ANKRD27: variants seen among roughly 807,000 people sequenced by gnomAD.
The protein encoded by ANKRD27 is ankyrin repeat domain 27.
ANKRD27 carries 112 observed loss-of-function variants against 129.7 expected under a neutral mutation model. The ratio of observed to expected loss-of-function variants is 0.86; its 90% CI spans 0.74 to 1.01. The LOEUF is 1.01. ANKRD27 is among the 50% of genes least tolerant of loss of function. The probability of loss-of-function intolerance (pLI) is 0.00; values close to 1 mark genes in which losing one functional copy is unlikely to be tolerated. For missense variants in ANKRD27, 1,258 were observed against 1,300.5 expected (o/e 0.97, Z 0.50); for synonymous variants, 516 against 511.2 (o/e 1.01, Z -0.13).
chr19:32,627,983 A>C, intron 15 of ANKRD27, 100 bp downstream of exon 15: 1 of 1,106,914 alleles, frequency 9.0e-7, no homozygotes, highest in Non-Finnish European at 1.3e-6. Flanking sequence ...CCCAACTGCC[A>C]ACCCCCACCC....
At chr19:32,661,199 T>TA (rs78062810) in intron 1 of ANKRD27, among the ~76,000 whole-genome samples, 6,630 of 114,816 alleles carry the variant, frequency 0.058, 292 homozygotes, top group East Asian at 0.28. Context: ...AGATGCTGTC[T>TA]AAAAAAAAAA....
At chr19:32,663,776 G>A (rs551431950) in intron 1 of ANKRD27, among the ~76,000 whole-genome samples, 23 of 152,316 alleles carry the variant, frequency 1.5e-4, no homozygotes, top group African/African-American at 5.5e-4. Context: ...GAAATAGGGG[G>A]CCGGGTGTGG....
rs374935166 is a variant in ANKRD27, at chr19:32,616,421, C to T, written c.2053-641G>A. On this transcript the variant is annotated intron_variant, in intron 21 of 28. Coordinates refer to ENST00000306065, the MANE Select transcript of ANKRD27 (RefSeq NM_032139.3). ...TACAAAAATTAGCTGGGTGTGGTGG[C>T]GCATGCCTGTAGTCCCACCTTCTCA... Among the ~76,000 whole-genome samples, 7 of 151,896 alleles carry T rather than the reference C, an allele frequency of 4.6e-5. No individual in the cohort carries two copies. In the East Asian group the frequency reaches 9.6e-4, roughly 21 times the overall value.
intron 22 of ANKRD27, among the ~76,000 whole-genome samples, chr19:32,611,453 T>C (rs12150976): frequency 0.27 from 41,724 of 152,174 alleles, 7,373 homozygotes; most frequent in Non-Finnish European, 0.39. Context: ...AGCTGAAAAA[T>C]GTGTGAGGGA....
At chr19:32,653,226 A>G (rs761325310) in intron 2 of ANKRD27, among the ~76,000 whole-genome samples, 19 of 152,120 alleles carry the variant, frequency 1.2e-4, no homozygotes, top group Non-Finnish European at 2.5e-4. Flanking sequence ...TGAGAACTGG[A>G]GCAGGGGTCT....
intron 22 of ANKRD27, among the ~76,000 whole-genome samples, chr19:32,615,180 C>CTT (rs1971896491): frequency 6.6e-6 from 1 of 152,246 alleles, no homozygotes; most frequent in African/African-American, 2.4e-5. Flanking sequence ...AGGGAGCTGG[C>CTT]ACCCGCCCTA....
intron 1 of ANKRD27, among the ~76,000 whole-genome samples, chr19:32,667,810 C>A (rs150047279): frequency 3.8e-5 from 5 of 132,210 alleles, no homozygotes; most frequent in African/African-American, 5.7e-5. Flanking sequence ...CCAGCCTGGG[C>A]GACAAGAGTG....
At chr19:32,617,755 T>TC in intron 20 of ANKRD27, 122 bp from the exon 21 acceptor site, 3 of 281,990 alleles carry the variant, frequency 1.1e-5, no homozygotes, top group African/African-American at 6.8e-5. Context: ...CTGATTTAGT[T>TC]TTTTTTTTTT....
chr19:32,632,079 A>AAG (rs1967003676), intron 12 of ANKRD27, among the ~76,000 whole-genome samples: 1 of 152,196 alleles, frequency 6.6e-6, no homozygotes, highest in Non-Finnish European at 1.5e-5. Context: ...ACCTGAGGTC[A>AAG]GGAGTTCAAT....
rs753786580 is a variant in ANKRD27 at position 32,643,503 on chromosome 19, A to G, written c.586-19T>C. The G allele has an allele frequency of 6.2e-6, 10 of 1,613,780 alleles. No homozygotes were observed. The African/African-American group carries it at 1.1e-4, about 17-fold the overall frequency. ...GCATTTTCTAGAGGGCAAGAAAAGC[A>G]CAGTGAAAGGGCTTGGATTTGCATG... is the stretch of plus-strand genomic sequence containing the variant. On this transcript the variant is annotated intron_variant, in intron 6 of 28. Coordinates refer to ENST00000306065, the MANE Select transcript of ANKRD27 (RefSeq NM_032139.3).
intron 3 of ANKRD27, among the ~76,000 whole-genome samples, chr19:32,648,895 C>T (rs1311893354): frequency 4.6e-5 from 7 of 150,568 alleles, no homozygotes. Context: ...GGGGGAAGCA[C>T]ATTTAAGAGT....
chr19:32,632,057 G>A (rs1469098741), intron 12 of ANKRD27, among the ~76,000 whole-genome samples: 1 of 152,238 alleles, frequency 6.6e-6, no homozygotes, highest in Non-Finnish European at 1.5e-5. Flanking sequence ...GGGAGGCTGA[G>A]GTGAACGGAT....
At chr19:32,649,654 C>A (rs757181078) in intron 3 of ANKRD27, 28 bp downstream of exon 3, 1 of 1,498,042 alleles carries the variant, frequency 6.7e-7, no homozygotes, top group South Asian at 1.1e-5. Flanking sequence ...AGTAGGTGAC[C>A]CTGGCTGATC....
chr19:32,659,544 C>T (rs922691851), intron 1 of ANKRD27, among the ~76,000 whole-genome samples: 4 of 152,078 alleles, frequency 2.6e-5, no homozygotes, highest in African/African-American at 9.7e-5. Context: ...CTCAGAAAAT[C>T]TTGTTAAACT....
intron 1 of ANKRD27, among the ~76,000 whole-genome samples, chr19:32,667,614 G>A (rs1188678032): frequency 1.3e-5 from 2 of 152,008 alleles, no homozygotes; most frequent in African/African-American, 2.4e-5. Flanking sequence ...CAGCACTTTC[G>A]GAGGCCGAGG....
At chr19:32,619,611 A>G in intron 18 of ANKRD27, 58 bp from the exon 19 acceptor site, 1 of 1,598,422 alleles carries the variant, frequency 6.3e-7, no homozygotes, top group Non-Finnish European at 8.6e-7. Flanking sequence ...GTCTCAGCAC[A>G]GTGCCATCAC....
intron 15 of ANKRD27, 68 bp downstream of exon 15, chr19:32,628,015 T>C: frequency 6.8e-7 from 1 of 1,465,478 alleles, no homozygotes; most frequent in Non-Finnish European, 9.5e-7. Context: ...CAGGCCTCTC[T>C]GCTGGGTCAC....
At chr19:32,648,368 A>T (rs1397063451) in intron 3 of ANKRD27, among the ~76,000 whole-genome samples, 1 of 152,218 alleles carries the variant, frequency 6.6e-6, no homozygotes, top group Non-Finnish European at 1.5e-5. Context: ...TATGAGGACA[A>T]TATGTTGGAG....
At position 32,607,783 on chromosome 19, in the gene ANKRD27, T is replaced by C. The variant is rs1170785660; in HGVS notation, c.2225A>G (p.Gln742Arg). Residue 742 changes from glutamine to arginine, a missense_variant, in exon 23 of 29, where the codon CAG becomes CGG. Coordinates refer to ENST00000306065, the MANE Select transcript of ANKRD27 (RefSeq NM_032139.3). ...ASGLGVNVTS[Q>R]DGSSPLHVAA... is the part of the protein sequence containing the mutation. ...GACATGCAGCGGGGAGGAGCCGTCC[T>C]GGCTGGTCACGTTCACACCAAGCCC... 6.2e-7 allele frequency: 1 copy of C among 1,611,732 alleles called. No homozygotes were observed. The highest frequency in any genetic ancestry group is 1.1e-5 in the South Asian group (1 of 90,796).
Sources: gnomAD v4.1 joint callset for allele counts (sites outside exome capture counted in the v4.1 genomes callset) on GRCh38, gnomAD v4.1.1 for gene constraint, MANE v1.5 for transcripts, NCBI Gene and HGNC (gene_info 2026-07-23, HGNC 2026-07-21) for gene names.